PDZRN4: variants seen among roughly 807,000 people sequenced by gnomAD.
PDZRN4 encodes PDZ domain containing ring finger 4.
In PDZRN4, 70 loss-of-function variants were observed where a neutral mutation model predicts 99.0. The ratio of observed to expected loss-of-function variants is 0.71; its 90% CI spans 0.58 to 0.86. PDZRN4 has a LOEUF of 0.86. Ranked by LOEUF, PDZRN4 falls within the 40% of genes least tolerant of loss-of-function variation. PDZRN4 has a pLI of 0.00. For synonymous variants in PDZRN4, 551 were observed against 501.6 expected (o/e 1.10, Z -1.32); for missense variants, 1,474 against 1,331.2 (o/e 1.11, Z -1.67).
chr12:41,478,707 G>A (rs888082140), intron 3 of PDZRN4, among the ~76,000 whole-genome samples: 2 of 152,040 alleles, frequency 1.3e-5, no homozygotes, highest in Non-Finnish European at 1.5e-5. Flanking sequence ...ATGATATTTA[G>A]AAAGAAAATC....
chr12:41,218,485 G>A (rs894991702), intron 3 of PDZRN4, among the ~76,000 whole-genome samples: 3 of 151,062 alleles, frequency 2.0e-5, no homozygotes, highest in Non-Finnish European at 4.4e-5. Flanking sequence ...TCATATTCTT[G>A]TGCTTTTGTT....
intron 3 of PDZRN4, among the ~76,000 whole-genome samples, chr12:41,388,905 A>G (rs568334416): frequency 6.6e-6 from 1 of 152,248 alleles, no homozygotes; most frequent in South Asian, 2.1e-4. Context: ...ACAGTGTACT[A>G]TGTCTTCTTC....
At chr12:41,328,228 T>A (rs1223209547) in intron 3 of PDZRN4, among the ~76,000 whole-genome samples, 3 of 152,166 alleles carry the variant, frequency 2.0e-5, no homozygotes, top group Non-Finnish European at 2.9e-5. Flanking sequence ...CAGATTAAGA[T>A]TGTTTGGGGG....
chr12:41,567,069 C>A (rs574092798), intron 8 of PDZRN4, among the ~76,000 whole-genome samples: 21 of 152,130 alleles, frequency 1.4e-4, no homozygotes, highest in Non-Finnish European at 2.5e-4. Context: ...TTTCAACACC[C>A]ATAAACAAAA....
chr12:41,545,111 A>C (rs757949292), intron 5 of PDZRN4, among the ~76,000 whole-genome samples: 7 of 152,200 alleles, frequency 4.6e-5, no homozygotes, highest in Non-Finnish European at 1.0e-4. Context: ...TCTAAACTAC[A>C]AATATGATAG....
At chr12:41,309,879 T>C (rs1951595428) in intron 3 of PDZRN4, among the ~76,000 whole-genome samples, 1 of 152,082 alleles carries the variant, frequency 6.6e-6, no homozygotes, top group African/African-American at 2.4e-5. Context: ...AACATGGTTG[T>C]AGAAAGAAAA....
intron 3 of PDZRN4, among the ~76,000 whole-genome samples, chr12:41,505,615 T>C (rs1015469600): frequency 6.6e-6 from 1 of 152,102 alleles, no homozygotes; most frequent in Non-Finnish European, 1.5e-5. Flanking sequence ...GAATAATTTT[T>C]CTCTCCCAAA....
chr12:41,545,847 T>C (rs764303010), intron 5 of PDZRN4, among the ~76,000 whole-genome samples: 6 of 151,684 alleles, frequency 4.0e-5, no homozygotes, highest in Non-Finnish European at 7.4e-5. Flanking sequence ...CAGCCAAGCA[T>C]GAAGAGAGAG....
intron 3 of PDZRN4, among the ~76,000 whole-genome samples, chr12:41,209,541 C>G (rs1318747303): frequency 6.8e-6 from 1 of 146,154 alleles, no homozygotes; most frequent in East Asian, 2.0e-4. Flanking sequence ...GTTCCCCTTC[C>G]TGTGTCCATG....
At chr12:41,298,015 C>T (rs977641110) in intron 3 of PDZRN4, among the ~76,000 whole-genome samples, 6 of 152,150 alleles carry the variant, frequency 3.9e-5, no homozygotes, top group Non-Finnish European at 8.8e-5. Flanking sequence ...AAATTTGTAA[C>T]TGTTTTTCCA....
rs745948102 is a variant in PDZRN4, at chr12:41,567,887, T to A, written c.1572T>A (p.Asn524Lys). 1 of 1,604,726 alleles carries A rather than the reference T, an allele frequency of 6.2e-7. No individual in the cohort carries two copies. Among genetic ancestry groups the A allele is most frequent in the African/African-American group, 1.3e-5 (1 of 74,624 alleles). ...EHNEAMQPTA[N>K]EVEQPKKQEE... is the part of the protein sequence containing the mutation. ...ATGAAGCAATGCAGCCCACTGCCAA[T>A]GAGGTGGAGCAGGTAGGGCCAACAA... is the stretch of plus-strand genomic sequence containing the variant. Residue 524 changes from asparagine (N) to lysine (K), a missense_variant, in exon 9 of 10, where the codon AAT becomes AAA. Physicochemically the swap from Asn to Lys is moderately conservative, Grantham distance 94 (BLOSUM62 0). Coordinates refer to ENST00000402685, the MANE Select transcript of PDZRN4 (RefSeq NM_001164595.2).
chr12:41,196,438 A>C (rs1950773524), intron 3 of PDZRN4, among the ~76,000 whole-genome samples: 1 of 152,114 alleles, frequency 6.6e-6, no homozygotes, highest in African/African-American at 2.4e-5. Flanking sequence ...TTTGCAGTTA[A>C]GAAATGGGTT....
intron 3 of PDZRN4, among the ~76,000 whole-genome samples, chr12:41,408,786 TC>T (rs1268884910): frequency 6.7e-6 from 1 of 150,148 alleles, no homozygotes; most frequent in Non-Finnish European, 1.5e-5. Context: ...CTCTGTCTTC[TC>T]TCTCTCTCTC....
intron 3 of PDZRN4, among the ~76,000 whole-genome samples, chr12:41,331,489 A>G (rs1198663377): frequency 6.6e-6 from 1 of 152,082 alleles, no homozygotes; most frequent in Non-Finnish European, 1.5e-5. Flanking sequence ...AGAGATTGGC[A>G]TTTACATTTC....
chr12:41,557,054 G>A (rs1222337268), intron 7 of PDZRN4, among the ~76,000 whole-genome samples: 1 of 151,296 alleles, frequency 6.6e-6, no homozygotes, highest in Non-Finnish European at 1.5e-5. Context: ...GGGAGGCTGA[G>A]GCAGGAGAAT....
At chr12:41,404,648 A>G (rs144700794) in intron 3 of PDZRN4, among the ~76,000 whole-genome samples, 6 of 151,408 alleles carry the variant, frequency 4.0e-5, no homozygotes, top group African/African-American at 1.2e-4. Context: ...ACAGAACTGG[A>G]AAAAAAAACT....
intron 3 of PDZRN4, among the ~76,000 whole-genome samples, chr12:41,268,565 A>T (rs1458148189): frequency 1.3e-5 from 2 of 152,210 alleles, no homozygotes; most frequent in Non-Finnish European, 2.9e-5. Context: ...TTATTTCCAG[A>T]TACGAAAAAC....
At chr12:41,223,377 T>C (rs1299228536) in intron 3 of PDZRN4, among the ~76,000 whole-genome samples, 1 of 152,118 alleles carries the variant, frequency 6.6e-6, no homozygotes, top group African/African-American at 2.4e-5. Flanking sequence ...CTTCCTTCTC[T>C]TCTCTACTCC....
chr12:41,369,103 AC>A (rs1359068178), intron 3 of PDZRN4, among the ~76,000 whole-genome samples: 1 of 152,138 alleles, frequency 6.6e-6, no homozygotes, highest in Middle Eastern at 3.2e-3. Flanking sequence ...GTCAAACTCA[AC>A]TATTAAGTGC....
Sources: gnomAD v4.1 joint callset for allele counts (sites outside exome capture counted in the v4.1 genomes callset) on GRCh38, gnomAD v4.1.1 for gene constraint, MANE v1.5 for transcripts, NCBI Gene and HGNC (gene_info 2026-07-23, HGNC 2026-07-21) for gene names.